Variants in KRT84 observed in about 807,000 individuals in gnomAD.
The protein encoded by KRT84 is keratin 84.
A neutral mutation model predicts 49.0 loss-of-function variants in KRT84; 38 were observed. The ratio of observed to expected loss-of-function variants is 0.78; its 90% CI spans 0.60 to 1.02. The LOEUF (loss-of-function observed/expected upper bound fraction) is 1.02. Ranked by LOEUF, KRT84 falls within the 50% of genes least tolerant of loss-of-function variation. The pLI is 0.00. For missense variants in KRT84, 860 were observed against 788.6 expected (o/e 1.09, Z -1.08); for synonymous variants, 334 against 312.8 (o/e 1.07, Z -0.72).
At chr12:52,384,527 T>TGG (rs1381307014) in intron 1 of KRT84, among the ~76,000 whole-genome samples, 2 of 152,184 alleles carry the variant, frequency 1.3e-5, no homozygotes, top group Non-Finnish European at 2.9e-5. Flanking sequence ...ATACCCCATG[T>TGG]GGGGGTATGA....
rs113837792 is a variant in KRT84 at position 52,381,392 on chromosome 12, C to T, written c.1046G>A (p.Arg349Gln). The T allele has an allele frequency of 2.8e-5, 46 of 1,614,188 alleles. No homozygotes were observed. The highest frequency in any genetic ancestry group is 2.7e-4 in the African/African-American group (20 of 75,056). ...AQYEEVARRSRADAEAWYQTK... is the reference protein window; with the variant it reads ...AQYEEVARRSQADAEAWYQTK... Reference sequence around the variant, plus strand: ...CTGGTACCAGGCCTCAGCATCAGCCCGGCTGCGCCTGGCCACCTCCTCATA... The same window carrying T: ...CTGGTACCAGGCCTCAGCATCAGCCTGGCTGCGCCTGGCCACCTCCTCATA... The change falls in exon 5 of 9, where the codon CGG becomes CAG. Residue 349 changes from arginine to glutamine, a missense_variant. By Grantham distance (43) the Arg-to-Gln change is conservative. Transcript: ENST00000257951.
chr12:52,377,991 G>A lies in KRT84; in HGVS notation c.*43C>T. The A allele has an allele frequency of 7.4e-7, 1 of 1,356,798 alleles. No individual in the cohort carries two copies. The highest frequency in any genetic ancestry group is 9.6e-7 in the Non-Finnish European group (1 of 1,038,992). 84.0% of individuals were successfully genotyped at this position (1,356,798 alleles called of 1,614,324 possible). Reference sequence around the variant, plus strand: ...CCTGGGGGCAGAAGCAGGAGCCGTGGAGCTGGTTCTTCTCTGGGCAGCAGC... The same window carrying A: ...CCTGGGGGCAGAAGCAGGAGCCGTGAAGCTGGTTCTTCTCTGGGCAGCAGC... On this transcript the variant is annotated 3_prime_UTR_variant, in exon 9 of 9. Transcript: ENST00000257951.
intron 7 of KRT84, 140 bp from the exon 8 acceptor site, chr12:52,380,047 G>C: frequency 1.3e-6 from 1 of 747,450 alleles, no homozygotes; most frequent in South Asian, 1.8e-5. Context: ...TCTGGGGAGC[G>C]TTGAAAAACA....
rs556523698 is a variant in KRT84, at chr12:52,380,534, G to A, written c.1253C>T (p.Ala418Val). 5.8e-5 allele frequency: 93 copies of A among 1,613,886 alleles called. No homozygotes were observed. The highest frequency in any genetic ancestry group is 1.7e-4 in the Middle Eastern group (1 of 6,060). Residue 418 changes from alanine (A) to valine (V), a missense_variant, in exon 7 of 9, where the codon GCG becomes GTG. Ala to Val is a moderately conservative substitution (Grantham distance 64). Transcript: ENST00000257951. ...CTTGCATTTGGCATCACTGAGGGTCGCCTCGCCCTGCTGCTCGGCCTCGGC... is the reference window on the plus strand; with the variant it reads ...CTTGCATTTGGCATCACTGAGGGTCACCTCGCCCTGCTGCTCGGCCTCGGC... ...AVAEAEQQGE[A>V]TLSDAKCKLA...
intron 7 of KRT84, 35 bp from the exon 8 acceptor site, chr12:52,379,942 A>G: frequency 1.3e-6 from 2 of 1,592,538 alleles, no homozygotes; most frequent in Non-Finnish European, 8.6e-7. Flanking sequence ...TTTCACATGC[A>G]CTATTGTTTC....
rs1732301 is a variant in KRT84, at chr12:52,383,752, C to T, written c.593G>A (p.Ser198Asn). 9,841 of 1,613,202 alleles carry T rather than the reference C, an allele frequency of 6.1e-3. 559 individuals carry two copies. In the African/African-American group the frequency reaches 0.12, roughly 19 times the overall value. The change falls in exon 2 of 9, where the codon AGC becomes AAC. Residue 198 changes from serine (S) to asparagine (N), a missense_variant. Physicochemically the swap from Ser to Asn is conservative, Grantham distance 46. Transcript: ENST00000257951. ...QQNKLLETKWSFLQEQKCIRS... is the reference protein window; with the variant it reads ...QQNKLLETKWNFLQEQKCIRS... ...GATACATTTCTGCTCTTGGAGGAAG[C>T]TCCACTTGGTCTCTAGGAGCTTATT...
intron 1 of KRT84, 124 bp downstream of exon 1, chr12:52,384,916 C>G: frequency 9.6e-7 from 1 of 1,042,244 alleles, no homozygotes; most frequent in Non-Finnish European, 1.4e-6. Flanking sequence ...GAGGTAGGCA[C>G]TTGAAAGATC....
At chr12:52,380,742 T>C in intron 6 of KRT84, 159 bp from the exon 7 acceptor site, 1 of 762,074 alleles carries the variant, frequency 1.3e-6, no homozygotes, top group Non-Finnish European at 2.1e-6. Context: ...CCCTGTAGTT[T>C]GATGTCACTA....
rs756047801 is a variant in KRT84, at chr12:52,381,441, T to G, written c.997A>C (p.Ile333Leu). The G allele has an allele frequency of 3.0e-5, 49 of 1,614,046 alleles. 2 individuals are homozygous for G. The South Asian group carries it at 4.5e-4, about 15-fold the overall frequency. Residue 333 changes from isoleucine to leucine, a missense_variant, in exon 5 of 9, where the codon ATC (isoleucine) becomes CTC (leucine). Transcript: ENST00000257951. ...TACTGGGCCTTGACCTCAGCAATGA[T>G]CCCATCAAGGTTCAGGTCACGGCTG... ...DNSRDLNLDG[I>L]IAEVKAQYEE...
rs770231773 is a variant in KRT84 at position 52,385,201 on chromosome 12, C to A, written c.385G>T (p.Val129Phe). 9 of 1,611,636 alleles carry A rather than the reference C, an allele frequency of 5.6e-6. No homozygotes were observed. The highest frequency in any genetic ancestry group is 3.3e-5 in the South Asian group (3 of 90,892). The change falls in exon 1 of 9, where the codon GTT (valine) becomes TTT (phenylalanine). Residue 129 changes from valine (V) to phenylalanine (F), a missense_variant. Coordinates refer to ENST00000257951, the MANE Select transcript of KRT84 (RefSeq NM_033045.4). ...ATAGATGGGGCTGCTGGGACTCCAA[C>A]CCCTCCAACTCTGTAACCAAAGCCA... ...GPGFGYRVGG[V>F]GVPAAPSITA...
At chr12:52,383,553 G>A (rs1199470433) in intron 2 of KRT84, 37 bp downstream of exon 2, 2 of 1,576,062 alleles carry the variant, frequency 1.3e-6, no homozygotes, top group East Asian at 2.2e-5. Flanking sequence ...GCCAGGCCTG[G>A]CCTGTCACTG....
chr12:52,383,209 C>G, intron 2 of KRT84, 144 bp from the exon 3 acceptor site: 1 of 685,500 alleles, frequency 1.5e-6, no homozygotes, highest in Admixed American at 2.2e-5. Context: ...ACATCATCCC[C>G]TCTGTCTCAT....
At position 52,382,484 on chromosome 12, in the gene KRT84, C is replaced by A. The variant is rs760132046; in HGVS notation, c.865G>T (p.Asp289Tyr). 1.2e-6 allele frequency: 2 copies of A among 1,614,154 alleles called. No individual in the cohort carries two copies. The highest frequency in any genetic ancestry group is 1.1e-5 in the South Asian group (1 of 91,066). The part of the protein sequence containing the change: ...MNKSDLEANV[D>Y]TLTQEIDFLK... The stretch of plus-strand genomic sequence containing the variant: ...AAGTCAATTTCCTGAGTTAGGGTAT[C>A]CACGTTGGCCTCGAGATCAGACTTG... Residue 289 changes from aspartate (D) to tyrosine (Y), a missense_variant, in exon 4 of 9, where the codon GAT becomes TAT. Physicochemically the swap from Asp to Tyr is radical, Grantham distance 160. Transcript: ENST00000257951.
rs762664638 is a variant in KRT84 at position 52,385,211 on chromosome 12, T to G, written c.375A>C (p.Arg125Ser). ...CTGCTGGGACTCCAACCCCTCCAAC[T>G]CTGTAACCAAAGCCAGGGCCACCAA... is the stretch of plus-strand genomic sequence containing the variant. ...YGFGGPGFGYRVGGVGVPAAP... is the reference protein window; with the variant it reads ...YGFGGPGFGYSVGGVGVPAAP... The change falls in exon 1 of 9, where the codon AGA becomes AGC. Residue 125 changes from arginine to serine, a missense_variant. Coordinates refer to ENST00000257951, the MANE Select transcript of KRT84 (RefSeq NM_033045.4). The G allele has an allele frequency of 6.2e-7, 1 of 1,613,332 alleles. No individual in the cohort carries two copies. Among genetic ancestry groups the G allele is most frequent in the Non-Finnish European group, 8.5e-7 (1 of 1,179,514 alleles).
rs1026265006 is a variant in KRT84 at position 52,383,554 on chromosome 12, C to G, written c.755+36G>C. The G allele has an allele frequency of 1.9e-6, 3 of 1,580,468 alleles. No individual in the cohort carries two copies. The African/African-American group carries it at 4.1e-5, about 21-fold the overall frequency. ...CAGCTAATTCTGGGGCCAGGCCTGGCCTGTCACTGGTCTGTGCAGCTCAGA... is the reference window on the plus strand; with the variant it reads ...CAGCTAATTCTGGGGCCAGGCCTGGGCTGTCACTGGTCTGTGCAGCTCAGA... On this transcript the variant is annotated intron_variant, in intron 2 of 8. Coordinates refer to ENST00000257951, the MANE Select transcript of KRT84 (RefSeq NM_033045.4).
Position 52,383,572 on chromosome 12 carries a change from A to G in KRT84, c.755+18T>C. On this transcript the variant is annotated intron_variant, in intron 2 of 8. Coordinates refer to ENST00000257951, the MANE Select transcript of KRT84 (RefSeq NM_033045.4). ...GGCCTGGCCTGTCACTGGTCTGTGC[A>G]GCTCAGATGTCACTCACTTCTTCTT... is the stretch of plus-strand genomic sequence containing the variant. 6.2e-7 allele frequency: 1 copy of G among 1,607,762 alleles called. No individual in the cohort carries two copies. The highest frequency in any genetic ancestry group is 8.5e-7 in the Non-Finnish European group (1 of 1,176,510).
chr12:52,378,834 T>G (rs1197236452), intron 8 of KRT84, among the ~76,000 whole-genome samples: 2 of 152,180 alleles, frequency 1.3e-5, no homozygotes, highest in African/African-American at 4.8e-5. Context: ...CCTCCAACAC[T>G]AGTCCCTTGT....
intron 2 of KRT84, 107 bp downstream of exon 2, chr12:52,383,483 C>G: frequency 2.0e-6 from 1 of 497,778 alleles, no homozygotes; most frequent in East Asian, 5.0e-5. Context: ...GATGTGGTAA[C>G]CAGCATTCAA....
At chr12:52,382,969 G>A (rs745405639) in intron 3 of KRT84, 36 bp downstream of exon 3, 1 of 1,592,928 alleles carries the variant, frequency 6.3e-7, no homozygotes, top group South Asian at 1.1e-5. Flanking sequence ...TGCCGGTCCA[G>A]AGGAGAAGTT....
Sources: allele counts gnomAD v4.1 joint callset (sites outside exome capture counted in the v4.1 genomes callset), GRCh38; gene constraint gnomAD v4.1.1; transcripts MANE v1.5; gene names NCBI Gene and HGNC (gene_info 2026-07-23, HGNC 2026-07-21).